KLF12: variants seen among roughly 807,000 people sequenced by gnomAD.
KLF12 encodes the protein Krueppel-like factor 12.
In KLF12, 9 loss-of-function variants were observed where a neutral mutation model predicts 37.8. The observed-to-expected ratio is 0.24, with a 90% CI of 0.14 to 0.42. The LOEUF is 0.42. Ranked by LOEUF, KLF12 falls within the 10% of genes least tolerant of loss-of-function variation. The pLI, the probability that KLF12 is intolerant of heterozygous loss-of-function variation, is 1.00. For synonymous variants in KLF12, 208 were observed against 202.1 expected, an observed-to-expected ratio of 1.03 and a Z score of -0.25; for missense variants, 411 against 516.0, an observed-to-expected ratio of 0.80 and a Z score of 1.97.
the KLF12 span, among the ~76,000 whole-genome samples, chr13:74,243,254 C>G: frequency 6.6e-6 from 1 of 151,656 alleles, no homozygotes; most frequent in Non-Finnish European, 1.5e-5. Context: ...TGGTTTCCAG[C>G]TTTATCCATG....
At chr13:73,975,362 T>C (rs1479239810) in intron 2 of KLF12, among the ~76,000 whole-genome samples, 1 of 152,236 alleles carries the variant, frequency 6.6e-6, no homozygotes, top group Admixed American at 6.5e-5. Flanking sequence ...ATTTTCTTGG[T>C]ATAATTTCTT....
chr13:73,946,312 C>T (rs1398569177), intron 2 of KLF12, among the ~76,000 whole-genome samples: 1 of 152,140 alleles, frequency 6.6e-6, no homozygotes, highest in Non-Finnish European at 1.5e-5. Context: ...GGCTAATGTC[C>T]CTTTTAGTGC....
intron 3 of KLF12, among the ~76,000 whole-genome samples, chr13:73,913,841 T>C (rs1426219117): frequency 6.6e-6 from 1 of 152,194 alleles, no homozygotes; most frequent in African/African-American, 2.4e-5. Flanking sequence ...ACAAGTAGCA[T>C]GGGCCAAATT....
chr13:73,970,357 GTTT>G (rs34226117), intron 2 of KLF12, among the ~76,000 whole-genome samples: 2 of 144,536 alleles, frequency 1.4e-5, no homozygotes, highest in African/African-American at 5.0e-5. Flanking sequence ...ACTGGTGCTG[GTTT>G]TTTTTTTTTT....
chr13:74,195,891 T>A, the KLF12 span, among the ~76,000 whole-genome samples: 1 of 152,096 alleles, frequency 6.6e-6, no homozygotes, highest in African/African-American at 2.4e-5. Flanking sequence ...GCAGTTGAAT[T>A]TTTTTTATGG....
At chr13:74,235,191 G>T in the KLF12 span, among the ~76,000 whole-genome samples, 1 of 152,174 alleles carries the variant, frequency 6.6e-6, no homozygotes, top group Non-Finnish European at 1.5e-5. Context: ...ATTGGGCTTT[G>T]ACTGCCCTTG....
At chr13:73,973,353 A>G (rs1042890193) in intron 2 of KLF12, among the ~76,000 whole-genome samples, 1 of 152,238 alleles carries the variant, frequency 6.6e-6, no homozygotes, top group Non-Finnish European at 1.5e-5. Context: ...TCAAAGGTAC[A>G]GAAATAGTCT....
intron 1 of KLF12, among the ~76,000 whole-genome samples, chr13:74,097,987 ACAAC>A (rs2138853450): frequency 6.6e-6 from 1 of 152,298 alleles, no homozygotes; most frequent in East Asian, 1.9e-4. Flanking sequence ...AAAAATGGCA[ACAAC>A]CAACTGGCTA....
At position 73,804,396 on chromosome 13, in the gene KLF12, T is replaced by C. The variant is rs569807541; in HGVS notation, c.806+8756A>G. On this transcript the variant is annotated intron_variant, in intron 5 of 7. Coordinates refer to ENST00000377669, the MANE Select transcript of KLF12 (RefSeq NM_007249.5). ...TTAATGTTGGCAATTCATGAAACAA[T>C]TCAAGTATTAAATAATCAGCCAAAC... 9.2e-5 allele frequency among the ~76,000 whole-genome samples: 14 copies of C among 152,286 alleles called. No homozygotes were observed. In the South Asian group the frequency reaches 2.9e-3, roughly 32 times the overall value.
intron 3 of KLF12, among the ~76,000 whole-genome samples, chr13:73,852,645 C>T (rs147416913): frequency 0.2 from 30,458 of 150,966 alleles, 3,826 homozygotes; most frequent in East Asian, 0.42. Flanking sequence ...GGCGTGGTGG[C>T]GCGTGCCTGT....
At chr13:73,778,585 G>C (rs967988645) in intron 5 of KLF12, among the ~76,000 whole-genome samples, 1 of 151,976 alleles carries the variant, frequency 6.6e-6, no homozygotes, top group Non-Finnish European at 1.5e-5. Flanking sequence ...GGCTAGTCTC[G>C]AACACCTGGG....
intron 4 of KLF12, among the ~76,000 whole-genome samples, chr13:73,823,347 G>A (rs1883643865): frequency 6.6e-6 from 1 of 151,722 alleles, no homozygotes; most frequent in Non-Finnish European, 1.5e-5. Context: ...TATACAGCTA[G>A]ATGGTATGTA....
At chr13:73,785,063 T>G (rs562362487) in intron 5 of KLF12, among the ~76,000 whole-genome samples, 20 of 152,146 alleles carry the variant, frequency 1.3e-4, no homozygotes, top group Admixed American at 1.2e-3. Context: ...GAAATTAGTC[T>G]TTTTTCCTCC....
At chr13:74,221,119 C>G in the KLF12 span, among the ~76,000 whole-genome samples, 1 of 151,930 alleles carries the variant, frequency 6.6e-6, no homozygotes, top group African/African-American at 2.4e-5. Context: ...ATTCTCCTGC[C>G]TCAGCCTGCG....
chr13:73,997,337 T>C (rs1892148856), intron 1 of KLF12, among the ~76,000 whole-genome samples: 1 of 152,152 alleles, frequency 6.6e-6, no homozygotes, highest in South Asian at 2.1e-4. Flanking sequence ...ATAATAATAA[T>C]AATAATACCT....
chr13:73,748,297 A>G (rs1878509107), intron 6 of KLF12, among the ~76,000 whole-genome samples: 2 of 152,176 alleles, frequency 1.3e-5, no homozygotes, highest in African/African-American at 4.8e-5. Flanking sequence ...AATATTATAT[A>G]TGATCCTTGT....
chr13:74,085,962 T>A (rs1440009143), intron 1 of KLF12, among the ~76,000 whole-genome samples: 1 of 151,830 alleles, frequency 6.6e-6, no homozygotes, highest in African/African-American at 2.4e-5. Flanking sequence ...TTAAAATAAA[T>A]TTTACTTTTA....
chr13:74,218,914 A>G, the KLF12 span, among the ~76,000 whole-genome samples: 1 of 152,138 alleles, frequency 6.6e-6, no homozygotes, highest in Non-Finnish European at 1.5e-5. Context: ...TCATGACTAC[A>G]TGCATACGCT....
the KLF12 span, among the ~76,000 whole-genome samples, chr13:74,148,349 G>A: frequency 6.7e-6 from 1 of 148,600 alleles, no homozygotes; most frequent in East Asian, 2.0e-4. Context: ...GTTTCCTCCA[G>A]CTCCCATCCC....
Sources: allele counts gnomAD v4.1 joint callset (sites outside exome capture counted in the v4.1 genomes callset), GRCh38; gene constraint gnomAD v4.1.1; transcripts MANE v1.5; gene names NCBI Gene and HGNC (gene_info 2026-07-23, HGNC 2026-07-21).